The following LRBA variants were observed in gnomAD, a reference collection of about 807,000 sequenced individuals.
The protein encoded by LRBA is LPS responsive beige-like anchor protein.
Under a neutral mutation model 330.0 loss-of-function variants are expected in LRBA, and 176 were observed. That is an observed-to-expected ratio of 0.53 (90% CI 0.47 to 0.60). The LOEUF (loss-of-function observed/expected upper bound fraction) is 0.60. LRBA is among the 20% of genes least tolerant of loss of function. LRBA has a pLI of 0.00. For missense variants in LRBA, 3,259 were observed against 3,444.8 expected (o/e 0.95, Z 1.35); for synonymous variants, 1,230 against 1,193.0 (o/e 1.03, Z -0.64).
chr4:150,547,617 C>G (rs980329003), intron 40 of LRBA, among the ~76,000 whole-genome samples: 5 of 152,130 alleles, frequency 3.3e-5, no homozygotes, highest in African/African-American at 1.2e-4. Context: ...AAGAAGTAAA[C>G]TTTCCCTAAT....
intron 42 of LRBA, among the ~76,000 whole-genome samples, chr4:150,485,371 T>C (rs1037335418): frequency 8.5e-5 from 13 of 152,098 alleles, no homozygotes; most frequent in African/African-American, 2.9e-4. Flanking sequence ...GATAATATAA[T>C]GCTTTGTGTG....
rs759731739 is a variant in LRBA at position 150,583,228 on chromosome 4, G to A, written c.6330+4820C>T. The A allele has an allele frequency of 1.2e-6, 2 of 1,614,178 alleles. No individual in the cohort carries two copies. The highest frequency in any genetic ancestry group is 1.7e-6 in the Non-Finnish European group (2 of 1,180,032). Reference sequence around the variant, plus strand: ...GATCGATGCCCGCTACGAGGGGCTCGAGGTCATTTCGCCCACCGAATTTGA... The same window carrying A: ...GATCGATGCCCGCTACGAGGGGCTCAAGGTCATTTCGCCCACCGAATTTGA... On this transcript the variant is annotated intron_variant, in intron 40 of 56. Transcript: ENST00000651943. This position sits in a 1 kb window ranked among gnomAD's most constrained non-coding sequence, Gnocchi z 9.8.
chr4:150,721,725 A>G (rs1454648440), intron 36 of LRBA, among the ~76,000 whole-genome samples: 1 of 152,022 alleles, frequency 6.6e-6, no homozygotes, highest in Non-Finnish European at 1.5e-5. Flanking sequence ...AGCGATTCCC[A>G]TTACTCAGCC....
At chr4:150,533,122 G>A (rs1391572265) in intron 40 of LRBA, among the ~76,000 whole-genome samples, 1 of 152,056 alleles carries the variant, frequency 6.6e-6, no homozygotes, top group Admixed American at 6.6e-5. Context: ...GTTAGCAACT[G>A]ACAATATCAA....
At position 150,962,188 on chromosome 4, in the gene LRBA, T is replaced by A. The variant is rs181741455; in HGVS notation, c.217-33123A>T. On this transcript the variant is annotated intron_variant, in intron 2 of 56. Coordinates refer to ENST00000651943, the MANE Select transcript of LRBA (RefSeq NM_001364905.1). ...TTTCTACATATGTTCAAATGGACAT[T>A]TGTAGAAAAAATAAATTGGCCCATA... is the stretch of plus-strand genomic sequence containing the variant. 3.3e-4 allele frequency among the ~76,000 whole-genome samples: 49 copies of A among 149,576 alleles called. No individual in the cohort carries two copies. In the East Asian group the frequency reaches 6.7e-3, roughly 21 times the overall value.
At chr4:150,512,168 A>G (rs980857600) in intron 40 of LRBA, among the ~76,000 whole-genome samples, 2 of 152,208 alleles carry the variant, frequency 1.3e-5, no homozygotes, top group African/African-American at 4.8e-5. Flanking sequence ...AACAGAAAAG[A>G]GAGATCTTTA....
chr4:150,872,037 T>C (rs977530770), intron 18 of LRBA, among the ~76,000 whole-genome samples: 1 of 152,196 alleles, frequency 6.6e-6, no homozygotes, highest in Non-Finnish European at 1.5e-5. Context: ...AGGTGATTTC[T>C]GTCACAACTC....
chr4:150,493,648 T>C (rs1488195721), intron 40 of LRBA, among the ~76,000 whole-genome samples: 1 of 152,154 alleles, frequency 6.6e-6, no homozygotes, highest in East Asian at 1.9e-4. Flanking sequence ...TTGGTACCAT[T>C]TTCACTTCAT....
At chr4:150,439,287 G>A (rs1473271061) in intron 44 of LRBA, among the ~76,000 whole-genome samples, 3 of 151,978 alleles carry the variant, frequency 2.0e-5, no homozygotes, top group South Asian at 2.1e-4. Flanking sequence ...ATAGAATCAC[G>A]TTTCTTGAAT....
chr4:150,435,500 G>C (rs1372794216), intron 46 of LRBA, 89 bp downstream of exon 46: 1 of 1,165,140 alleles, frequency 8.6e-7, no homozygotes, highest in East Asian at 2.5e-5. Flanking sequence ...TTTGTAAATA[G>C]GGCTGTATGG....
chr4:150,687,012 A>C (rs1243491704), intron 36 of LRBA, among the ~76,000 whole-genome samples: 1 of 152,110 alleles, frequency 6.6e-6, no homozygotes, highest in East Asian at 1.9e-4. Context: ...CATAAAATCT[A>C]TAGATATAAA....
At chr4:150,356,355 T>C (rs1417045952) in intron 47 of LRBA, among the ~76,000 whole-genome samples, 2 of 152,086 alleles carry the variant, frequency 1.3e-5, no homozygotes, top group Non-Finnish European at 2.9e-5. Context: ...TGTGCACCAT[T>C]AGGTCTAGTT....
intron 37 of LRBA, among the ~76,000 whole-genome samples, chr4:150,659,111 G>C (rs959387032): frequency 7.3e-5 from 10 of 137,006 alleles, no homozygotes; most frequent in Non-Finnish European, 1.4e-4. Flanking sequence ...CCAAAGTGCC[G>C]AGATTGCAGC....
At chr4:150,778,779 T>C (rs77668939) in intron 34 of LRBA, among the ~76,000 whole-genome samples, 2,954 of 152,296 alleles carry the variant, frequency 0.019, 56 homozygotes, top group South Asian at 0.029. Flanking sequence ...ACGGTCAGTC[T>C]GTTTGGCAAC....
At position 150,803,579 on chromosome 4, in the gene LRBA, G is replaced by A. The variant is rs1019371257; in HGVS notation, c.5518+2692C>T. Reference sequence around the variant, plus strand: ...GACAGAATGAAAACCAAAGTCTCCTGCCTTTTATATTAATGCTTTTTGTAC... The same window carrying A: ...GACAGAATGAAAACCAAAGTCTCCTACCTTTTATATTAATGCTTTTTGTAC... On this transcript the variant is annotated intron_variant, in intron 33 of 56. Coordinates refer to ENST00000651943, the MANE Select transcript of LRBA (RefSeq NM_001364905.1). Among the ~76,000 whole-genome samples the A allele has an allele frequency of 9.2e-5, 14 of 152,190 alleles. No individual in the cohort carries two copies. The East Asian group carries it at 2.3e-3, about 25-fold the overall frequency.
At position 150,720,951 on chromosome 4, in the gene LRBA, C is replaced by T; in HGVS notation, c.5754+14307G>A. On this transcript the variant is annotated intron_variant, in intron 36 of 56. Transcript: ENST00000651943. ...AAGTTCTAAGGGAATTTAAGTGTTA[C>T]CCAACAATATTAAGTCAAGCAAGGC... 4.6e-6 allele frequency: 2 copies of T among 437,056 alleles called. 1 individual carries two copies. The highest frequency in any genetic ancestry group is 3.7e-5 in the South Asian group (2 of 54,748). The allele number at this position is 437,056 out of a possible 1,614,324, so 27.1% of individuals were successfully genotyped here.
chr4:150,802,978 C>T (rs1258563194), intron 33 of LRBA, among the ~76,000 whole-genome samples: 3 of 143,336 alleles, frequency 2.1e-5, no homozygotes, highest in Non-Finnish European at 4.5e-5. Context: ...GCCAAGATCG[C>T]ACCACTGCAC....
chr4:150,724,709 A>G (rs1223350288), intron 36 of LRBA, among the ~76,000 whole-genome samples: 2 of 152,004 alleles, frequency 1.3e-5, no homozygotes, highest in Non-Finnish European at 2.9e-5. Context: ...TCAGAATTTT[A>G]TCAGATAAAT....
chr4:150,709,200 G>A (rs569974544), intron 36 of LRBA, among the ~76,000 whole-genome samples: 4 of 151,868 alleles, frequency 2.6e-5, no homozygotes, highest in East Asian at 3.9e-4. Context: ...CCTAGAACCC[G>A]AACATGTTTT....
Sources: gnomAD v4.1 joint callset for allele counts (sites outside exome capture counted in the v4.1 genomes callset) on GRCh38, gnomAD v4.1.1 for gene constraint, Gnocchi (gnomAD v3.1) non-coding constraint, MANE v1.5 for transcripts, NCBI Gene and HGNC (gene_info 2026-07-23, HGNC 2026-07-21) for gene names.